KDR: variants seen among roughly 807,000 people sequenced by gnomAD.
KDR encodes kinase insert domain receptor.
A neutral mutation model predicts 160.9 loss-of-function variants in KDR; 43 were observed. The ratio of observed to expected loss-of-function variants is 0.27; its 90% confidence interval spans 0.21 to 0.34. KDR has a LOEUF of 0.34. KDR is among the 10% of genes least tolerant of loss of function. KDR has a pLI of 1.00. For synonymous variants in KDR, 617 were observed against 600.1 expected, an observed-to-expected ratio of 1.03 and a Z score of -0.41; for missense variants, 1,469 against 1,666.4, an observed-to-expected ratio of 0.88 and a Z score of 2.06.
chr4:55,119,515 A>G (rs529852684), intron 2 of KDR, among the ~76,000 whole-genome samples: 4 of 152,346 alleles, frequency 2.6e-5, no homozygotes, highest in Admixed American at 2.0e-4. Context: ...CTATGGAGAA[A>G]AATATAGAAG....
chr4:55,114,038 G>A (rs1720666088), intron 6 of KDR, 88 bp downstream of exon 6: 1 of 1,386,934 alleles, frequency 7.2e-7, no homozygotes, highest in East Asian at 2.3e-5. Context: ...ATTTTATCTG[G>A]CCAAAGAGGC....
intron 1 of KDR, among the ~76,000 whole-genome samples, chr4:55,122,499 A>T (rs1246344741): frequency 6.6e-6 from 1 of 152,192 alleles, no homozygotes; most frequent in East Asian, 1.9e-4. Flanking sequence ...ATAAATAGAG[A>T]GAGTATAAGT....
intron 29 of KDR, among the ~76,000 whole-genome samples, chr4:55,081,021 A>T (rs2110004437): frequency 6.6e-6 from 1 of 152,348 alleles, no homozygotes; most frequent in East Asian, 1.9e-4. Context: ...CAACAAAACT[A>T]ATGTAGGTGT....
At chr4:55,083,211 C>T (rs989116020) in intron 27 of KDR, among the ~76,000 whole-genome samples, 3 of 152,132 alleles carry the variant, frequency 2.0e-5, no homozygotes, top group Non-Finnish European at 2.9e-5. Context: ...CCCTCGTTTT[C>T]GCCCCCAGAG....
chr4:55,082,612 C>T lies in KDR; in HGVS notation c.3686G>A (p.Arg1229Gln), dbSNP rs776015468. 3.5e-5 allele frequency: 56 copies of T among 1,613,874 alleles called. No individual in the cohort carries two copies. The highest frequency in any genetic ancestry group is 4.5e-5 in the Non-Finnish European group (53 of 1,179,852). ...GISQYLQNSK[R>Q]KSRPVSVKTF... ...TTTTACACTCACAGGCCGGCTCTTTCGCTTACTGTTCTGCAGATACTGACT... is the reference window on the plus strand; with the variant it reads ...TTTTACACTCACAGGCCGGCTCTTTTGCTTACTGTTCTGCAGATACTGACT... The change falls in exon 28 of 30, where the codon CGA (arginine) becomes CAA (glutamine). Residue 1229 changes from arginine (R) to glutamine (Q), a missense_variant. Arg to Gln is a conservative substitution (Grantham distance 43, BLOSUM62 1). Coordinates refer to ENST00000263923, the MANE Select transcript of KDR (RefSeq NM_002253.4).
chr4:55,098,220 T>A lies in KDR; in HGVS notation c.2426A>T (p.Asp809Val), dbSNP rs1485995701. The change falls in exon 17 of 30, where the codon GAT becomes GTT. Residue 809 changes from aspartate (D) to valine (V), a missense_variant. Transcript: ENST00000263923. ...ACAATGTTCATCCAATGGGAGTTCA[T>A]CTGGATCCATGACGATGGACAAGTA... ...TGYLSIVMDP[D>V]ELPLDEHCER... The A allele has an allele frequency of 2.5e-6, 4 of 1,613,868 alleles. No individual in the cohort carries two copies. The highest frequency in any genetic ancestry group is 2.5e-6 in the Non-Finnish European group (3 of 1,179,810).
intron 1 of KDR, among the ~76,000 whole-genome samples, chr4:55,121,491 A>C (rs1263452113): frequency 6.6e-6 from 1 of 152,196 alleles, no homozygotes; most frequent in African/African-American, 2.4e-5. Flanking sequence ...GGACATTGAA[A>C]CCAAATGAAC....
Position 55,104,745 on chromosome 4 carries a change from G to A in KDR, c.1885C>T (p.Leu629Phe), listed in dbSNP as rs1337809327. The A allele has an allele frequency of 2.5e-6, 4 of 1,613,806 alleles. No individual in the cohort carries two copies. Among genetic ancestry groups the A allele is most frequent in the Non-Finnish European group, 3.4e-6 (4 of 1,179,878 alleles). ...NSTNDILIME[L>F]KNASLQDQGD... Reference sequence around the variant, plus strand: ...TGGTCCTGCAAGGATGCATTCTTAAGCTCCATGATCAAAATGTCATTTGTG... The same window carrying A: ...TGGTCCTGCAAGGATGCATTCTTAAACTCCATGATCAAAATGTCATTTGTG... Residue 629 changes from leucine to phenylalanine, a missense_variant, in exon 13 of 30, where the codon CTT becomes TTT. Coordinates refer to ENST00000263923, the MANE Select transcript of KDR (RefSeq NM_002253.4).
chr4:55,100,232 GTTAAC>G (rs1488717745), intron 15 of KDR, among the ~76,000 whole-genome samples: 3 of 152,070 alleles, frequency 2.0e-5, no homozygotes. Context: ...CAAAATAAAA[GTTAAC>G]TTAACCATTG....
At chr4:55,123,194 C>T (rs79366646) in intron 1 of KDR, among the ~76,000 whole-genome samples, 6,093 of 152,206 alleles carry the variant, frequency 0.04, 153 homozygotes, top group Non-Finnish European at 0.057. Context: ...AAAATGAAAA[C>T]AATTCATTTG....
At chr4:55,094,729 C>T in intron 21 of KDR, 73 bp downstream of exon 21, 1 of 1,407,016 alleles carries the variant, frequency 7.1e-7, no homozygotes, top group Non-Finnish European at 1.0e-6. Flanking sequence ...TGATCAAATT[C>T]CTTGTAACAC....
Position 55,102,277 on chromosome 4 carries a change from A to G in KDR, c.2134+85T>C, listed in dbSNP as rs1045060982. The G allele has an allele frequency of 1.0e-5, 15 of 1,497,914 alleles. No homozygotes were observed. The African/African-American group carries it at 1.4e-4, about 14-fold the overall frequency. 92.8% of individuals were successfully genotyped at this position (1,497,914 alleles called of 1,614,324 possible). A position where few individuals can be genotyped will look rare whatever the true frequency, so the allele number is the denominator to read the frequency against. On this transcript the variant is annotated intron_variant, in intron 14 of 29. Transcript: ENST00000263923. The stretch of plus-strand genomic sequence containing the variant: ...GACACCAATACTGCTTTTTTTCTAC[A>G]TTACATCAAGAAATAATATGGCTTT...
At chr4:55,107,669 T>G (rs1006797726) in intron 10 of KDR, 68 bp downstream of exon 10, 1 of 1,600,358 alleles carries the variant, frequency 6.2e-7, no homozygotes, top group Non-Finnish European at 8.6e-7. Context: ...TAGGATGGAG[T>G]CATATCATAG....
chr4:55,109,280 A>G (rs1430012167), intron 9 of KDR, among the ~76,000 whole-genome samples: 1 of 151,978 alleles, frequency 6.6e-6, no homozygotes, highest in Non-Finnish European at 1.5e-5. Context: ...ACGGGTTTTC[A>G]TCATGTTGGC....
intron 15 of KDR, among the ~76,000 whole-genome samples, chr4:55,099,372 C>T (rs1014900703): frequency 6.6e-6 from 1 of 152,084 alleles, no homozygotes; most frequent in Non-Finnish European, 1.5e-5. Context: ...CTCATGTAAA[C>T]TTACAACAAT....
intron 22 of KDR, among the ~76,000 whole-genome samples, chr4:55,090,617 TA>T (rs1452296470): frequency 6.6e-6 from 1 of 152,116 alleles, no homozygotes; most frequent in Non-Finnish European, 1.5e-5. Flanking sequence ...AAAGGTCTAT[TA>T]AGGCAATTTC....
chr4:55,104,636 T>A lies in KDR; in HGVS notation c.1987+7A>T, dbSNP rs756059341. 15 of 1,611,356 alleles carry A rather than the reference T, an allele frequency of 9.3e-6. 1 individual carries two copies. Among genetic ancestry groups the A allele is most frequent in the Middle Eastern group, 1.6e-4 (1 of 6,078 alleles). ...CTCTGCACAATGATCCAGAATTGTCTCCCTACCTAGGACTGTGAGCTGCCT... is the reference window on the plus strand; with the variant it reads ...CTCTGCACAATGATCCAGAATTGTCACCCTACCTAGGACTGTGAGCTGCCT... On this transcript the variant is annotated splice_region_variant and intron_variant, in intron 13 of 29. Transcript: ENST00000263923.
intron 21 of KDR, among the ~76,000 whole-genome samples, 153 bp downstream of exon 21, chr4:55,094,649 A>C (rs1019811137): frequency 3.3e-5 from 5 of 152,246 alleles, no homozygotes; most frequent in Non-Finnish European, 7.3e-5. Flanking sequence ...TTGGGGAGAC[A>C]GAATGGAGGC....
chr4:55,093,279 A>G (rs1720065520), intron 21 of KDR, among the ~76,000 whole-genome samples: 1 of 152,208 alleles, frequency 6.6e-6, no homozygotes. Flanking sequence ...TTCCTGAGAG[A>G]TAACAGAAAC....
Sources: allele counts gnomAD v4.1 joint callset (sites outside exome capture counted in the v4.1 genomes callset), GRCh38; gene constraint gnomAD v4.1.1; transcripts MANE v1.5; gene names NCBI Gene and HGNC (gene_info 2026-07-23, HGNC 2026-07-21).